The following MEGF8 variants were observed in gnomAD, a reference collection of about 807,000 sequenced individuals.
MEGF8 encodes the protein multiple epidermal growth factor-like domains protein 8.
MEGF8 carries 156 observed loss-of-function variants against 302.9 expected under a neutral mutation model. The observed-to-expected ratio is 0.52, with a 90% CI of 0.45 to 0.59. MEGF8 has a LOEUF of 0.59. MEGF8 is among the 20% of genes least tolerant of loss of function. The pLI is 0.00. For missense variants in MEGF8, 3,345 were observed against 3,964.5 expected (o/e 0.84, Z 4.20); for synonymous variants, 1,621 against 1,660.5 (o/e 0.98, Z 0.58).
intron 35 of MEGF8, among the ~76,000 whole-genome samples, chr19:42,364,126 T>C (rs968092326): frequency 2.0e-5 from 3 of 152,180 alleles, no homozygotes; most frequent in African/African-American, 7.2e-5. Flanking sequence ...GGTGGAGAGA[T>C]GATTCCTGAA....
chr19:42,340,321 C>T (rs554368633), intron 8 of MEGF8, among the ~76,000 whole-genome samples: 14 of 152,214 alleles, frequency 9.2e-5, no homozygotes, highest in African/African-American at 3.4e-4. Context: ...TCTCTGCCTC[C>T]GAGGTTCAAG....
In MEGF8 at chr19:42,337,137, T is replaced by A; in HGVS notation, c.1444T>A (p.Phe482Ile). 6.2e-7 allele frequency: 1 copy of A among 1,614,026 alleles called. No individual in the cohort carries two copies. The highest frequency in any genetic ancestry group is 8.5e-7 in the Non-Finnish European group (1 of 1,179,902). ...QEEKCYEDGI[F>I]FYHLGCHQWV... ...GGAAAAGTGCTACGAAGATGGCATC[T>A]TCTTCTACCACCTTGGCTGCCATCA... Residue 482 changes from phenylalanine to isoleucine, a missense_variant, in exon 8 of 42, where the codon TTC becomes ATC. By Grantham distance (21) the Phe-to-Ile change is conservative (BLOSUM62 0). Coordinates refer to ENST00000251268, the MANE Select transcript of MEGF8 (RefSeq NM_001271938.2).
At chr19:42,345,217 C>T (rs1372626614) in intron 12 of MEGF8, among the ~76,000 whole-genome samples, 1 of 152,256 alleles carries the variant, frequency 6.6e-6, no homozygotes, top group East Asian at 1.9e-4. Flanking sequence ...AATGATCCGC[C>T]TGCCTTGGCC....
chr19:42,364,398 A>G (rs1242664087), intron 35 of MEGF8, among the ~76,000 whole-genome samples: 1 of 152,174 alleles, frequency 6.6e-6, no homozygotes, highest in Admixed American at 6.5e-5. Flanking sequence ...TACCTCGATT[A>G]TGCAAGACCC....
chr19:42,353,683 A>G lies in MEGF8; in HGVS notation c.3761+8A>G, dbSNP rs1214294487. The G allele has an allele frequency of 6.3e-7, 1 of 1,577,746 alleles. No homozygotes were observed. Among genetic ancestry groups the G allele is most frequent in the Non-Finnish European group, 8.6e-7 (1 of 1,157,246 alleles). On this transcript the variant is annotated splice_region_variant and intron_variant, in intron 21 of 41. Coordinates refer to ENST00000251268, the MANE Select transcript of MEGF8 (RefSeq NM_001271938.2). The surrounding 1 kb of genome is among the most constrained non-coding windows in gnomAD (Gnocchi z 6.1). Reference sequence around the variant, plus strand: ...CTATTATGGGGATCCCCGGTGAGCCAACGGGCCAGCCAGGGCTGGGTAGGG... The same window carrying G: ...CTATTATGGGGATCCCCGGTGAGCCGACGGGCCAGCCAGGGCTGGGTAGGG...
Position 42,370,840 on chromosome 19 carries a change from A to C in MEGF8, c.7136+9A>C. On this transcript the variant is annotated intron_variant, in intron 40 of 41. Transcript: ENST00000251268. ...GACGGGAAGTGCACCAAGTAAGAGG[A>C]ACCGGGGGGGGGGGGGGGGGGGGGG... The C allele has an allele frequency of 1.3e-5, 1 of 75,732 alleles. No homozygotes were observed. Among genetic ancestry groups the C allele is most frequent in the African/African-American group, 1.5e-4 (1 of 6,710 alleles). 4.7% of individuals were successfully genotyped at this position (75,732 alleles called of 1,614,324 possible). A position where few individuals can be genotyped will look rare whatever the true frequency, so the allele number is the denominator to read the frequency against.
intron 8 of MEGF8, among the ~76,000 whole-genome samples, chr19:42,337,846 C>G (rs930140100): frequency 6.6e-6 from 1 of 151,812 alleles, no homozygotes; most frequent in Admixed American, 6.6e-5. Context: ...CTCCGTCGCC[C>G]GGGCTAGAGT....
At chr19:42,334,297 C>T in intron 3 of MEGF8, 84 bp downstream of exon 3, 1 of 1,307,232 alleles carries the variant, frequency 7.6e-7, no homozygotes, top group Admixed American at 2.7e-5. Context: ...TCTGACCTTG[C>T]TCCTGCATGA....
chr19:42,359,374 A>G (rs1364318319), intron 31 of MEGF8, 132 bp downstream of exon 31: 11 of 759,146 alleles, frequency 1.4e-5, no homozygotes, highest in Non-Finnish European at 1.9e-5. Context: ...GCTCTTCTGG[A>G]TTATCTGAAC....
rs775131153 is a variant in MEGF8 at position 42,357,346 on chromosome 19, C to A, written c.4831-58C>A. On this transcript the variant is annotated intron_variant, in intron 27 of 41. Coordinates refer to ENST00000251268, the MANE Select transcript of MEGF8 (RefSeq NM_001271938.2). This position sits in a 1 kb window ranked among gnomAD's most constrained non-coding sequence, Gnocchi z 5.2. ...GTGGGGGGCTGAGGCTCGCTTCTAC[C>A]CACAAGGTGACCCCTGACCTCTAGC... 8 of 1,572,176 alleles carry A rather than the reference C, an allele frequency of 5.1e-6. No individual in the cohort carries two copies. Among genetic ancestry groups the A allele is most frequent in the Admixed American group, 1.7e-5 (1 of 58,356 alleles).
rs2039486863 is a variant in MEGF8 at position 42,358,658 on chromosome 19, G to T, written c.5176-129G>T. ...GAGAATGTGTGTGGGAGGGCAGGGA[G>T]CCCTGTCTGCACTGGTTAGAGAGGC... On this transcript the variant is annotated intron_variant, in intron 29 of 41. Coordinates refer to ENST00000251268, the MANE Select transcript of MEGF8 (RefSeq NM_001271938.2). This position sits in a 1 kb window ranked among gnomAD's most constrained non-coding sequence, Gnocchi z 4.4. 2 of 1,118,798 alleles carry T rather than the reference G, an allele frequency of 1.8e-6. No individual in the cohort carries two copies. The highest frequency in any genetic ancestry group is 2.7e-5 in the East Asian group (1 of 37,050). 69.3% of individuals were successfully genotyped at this position (1,118,798 alleles called of 1,614,324 possible).
Position 42,327,830 on chromosome 19 carries a change from C to T in MEGF8, c.187+1400C>T, listed in dbSNP as rs368642020. On this transcript the variant is annotated intron_variant, in intron 1 of 41. Transcript: ENST00000251268. ...AGAATACTGGCAGGGTATGGTGGCTCATGCCTGTAATCCCAGCACTTTGGG... is the reference window on the plus strand; with the variant it reads ...AGAATACTGGCAGGGTATGGTGGCTTATGCCTGTAATCCCAGCACTTTGGG... Among the ~76,000 whole-genome samples, 22 of 152,348 alleles carry T rather than the reference C, an allele frequency of 1.4e-4. No homozygotes were observed. In the East Asian group the frequency reaches 3.9e-3, roughly 27 times the overall value.
In MEGF8 at chr19:42,343,491, C is replaced by T; in HGVS notation, c.1528C>T (p.Pro510Ser). The T allele has an allele frequency of 6.2e-7, 1 of 1,604,254 alleles. No homozygotes were observed. Among genetic ancestry groups the T allele is most frequent in the Non-Finnish European group, 8.5e-7 (1 of 1,172,466 alleles). The change falls in exon 9 of 42, where the codon CCC (proline) becomes TCC (serine). Residue 510 changes from proline to serine, a missense_variant. Transcript: ENST00000251268. ...TATTCCCCTAGGCCGAGCAGCGCCT[C>T]CCAGTGGTCGGTACTCACATGTAGC... ...PGTPEGRAAP[P>S]SGRYSHVAAV... is the part of the protein sequence containing the mutation.
At position 42,351,653 on chromosome 19, in the gene MEGF8, A is replaced by G; in HGVS notation, c.2993A>G (p.His998Arg). 1.9e-6 allele frequency: 3 copies of G among 1,588,358 alleles called. No homozygotes were observed. Among genetic ancestry groups the G allele is most frequent in the South Asian group, 1.1e-5 (1 of 87,232 alleles). Residue 998 changes from histidine (H) to arginine (R), a missense_variant, in exon 18 of 42, where the codon CAC becomes CGC. Physicochemically the swap from His to Arg is conservative, Grantham distance 29. Coordinates refer to ENST00000251268, the MANE Select transcript of MEGF8 (RefSeq NM_001271938.2). This position sits in a 1 kb window ranked among gnomAD's most constrained non-coding sequence, Gnocchi z 5.6. ...GGCRGWDDSV[H>R]SEPRCRSCDG... is the part of the protein sequence containing the mutation. ...CCACCCCTGCCATCCTGCAGTGTACACTCGGAGCCACGGTGCCGGAGCTGC... is the reference window on the plus strand; with the variant it reads ...CCACCCCTGCCATCCTGCAGTGTACGCTCGGAGCCACGGTGCCGGAGCTGC...
Position 42,353,890 on chromosome 19 carries a change from G to A in MEGF8, c.3877G>A (p.Ala1293Thr). 6.3e-7 allele frequency: 1 copy of A among 1,595,130 alleles called. No individual in the cohort carries two copies. Among genetic ancestry groups the A allele is most frequent in the Non-Finnish European group, 8.5e-7 (1 of 1,171,030 alleles). The stretch of plus-strand genomic sequence containing the variant: ...GCTGCTGCCTCCAGGTGGCGGGGCT[G>A]CAAGAGCCGGGCCTGGCCTGTCCTA... ...GGLLPPGGGA[A>T]RAGPGLSYCV... is the part of the protein sequence containing the mutation. Residue 1293 changes from alanine (A) to threonine (T), a missense_variant, in exon 22 of 42, where the codon GCA (alanine) becomes ACA (threonine). Ala to Thr is a moderately conservative substitution (Grantham distance 58). Coordinates refer to ENST00000251268, the MANE Select transcript of MEGF8 (RefSeq NM_001271938.2). This position sits in a 1 kb window ranked among gnomAD's most constrained non-coding sequence, Gnocchi z 6.1.
rs2039639731 is a variant in MEGF8, at chr19:42,368,537, T to C, written c.6356T>C (p.Leu2119Pro). The change falls in exon 36 of 42, where the codon CTG (leucine) becomes CCG (proline). Residue 2119 changes from leucine to proline, a missense_variant. By Grantham distance (98) the Leu-to-Pro change is moderately conservative. Transcript: ENST00000251268. The surrounding 1 kb of genome is among the most constrained non-coding windows in gnomAD (Gnocchi z 4.9). ...RLLRGPESCS[L>P]GCAQATQCAL... ...CTCCGGGGACCTGAGAGCTGCTCCC[T>C]GGGCTGTGCTCAGGCAACTCAGTGC... 6.2e-7 allele frequency: 1 copy of C among 1,604,670 alleles called. No individual in the cohort carries two copies. The highest frequency in any genetic ancestry group is 1.1e-5 in the South Asian group (1 of 89,294).
At chr19:42,331,547 T>A (rs1164446411) in intron 1 of MEGF8, among the ~76,000 whole-genome samples, 2 of 151,938 alleles carry the variant, frequency 1.3e-5, no homozygotes, top group African/African-American at 2.4e-5. Flanking sequence ...CTCTCCACGA[T>A]ATGTGGGCCC....
chr19:42,350,404 G>A lies in MEGF8; in HGVS notation c.2736+20G>A. On this transcript the variant is annotated intron_variant, in intron 15 of 41. Transcript: ENST00000251268. ...ACCCAGGTGCCTGTGGGGCCACCAGGGGAGGTCACAAGGTGGAGGGAGCCA... is the reference window on the plus strand; with the variant it reads ...ACCCAGGTGCCTGTGGGGCCACCAGAGGAGGTCACAAGGTGGAGGGAGCCA... The A allele has an allele frequency of 6.7e-7, 1 of 1,489,528 alleles. No homozygotes were observed. Among genetic ancestry groups the A allele is most frequent in the Non-Finnish European group, 8.9e-7 (1 of 1,120,084 alleles). The allele number at this position is 1,489,528 out of a possible 1,614,324, so 92.3% of individuals were successfully genotyped here.
chr19:42,363,840 G>A (rs1404678586), intron 35 of MEGF8, among the ~76,000 whole-genome samples: 4 of 152,192 alleles, frequency 2.6e-5, no homozygotes, highest in Admixed American at 6.5e-5. Flanking sequence ...AATCTCAGCT[G>A]TTCTCCACAC....
Sources: gnomAD v4.1 joint callset for allele counts (sites outside exome capture counted in the v4.1 genomes callset) on GRCh38, gnomAD v4.1.1 for gene constraint, Gnocchi (gnomAD v3.1) non-coding constraint, MANE v1.5 for transcripts, NCBI Gene and HGNC (gene_info 2026-07-23, HGNC 2026-07-21) for gene names.